LRMDA: variants seen among roughly 807,000 people sequenced by gnomAD.
LRMDA encodes the protein leucine-rich melanocyte differentiation-associated protein.
Under a neutral mutation model 29.8 loss-of-function variants are expected in LRMDA, and 18 were observed. That is an observed-to-expected ratio of 0.60 (90% CI 0.42 to 0.90). LRMDA has a LOEUF of 0.90. Ranked by LOEUF, LRMDA falls within the 40% of genes least tolerant of loss-of-function variation. The probability of loss-of-function intolerance (pLI) is 0.00; values close to 1 mark genes in which losing one functional copy is unlikely to be tolerated. For missense variants in LRMDA, 273 were observed against 273.9 expected (o/e 1.00, Z 0.02); for synonymous variants, 125 against 109.4 (o/e 1.14, Z -0.89).
At position 75,565,464 on chromosome 10, in the gene LRMDA, C is replaced by T. The variant is rs551450488; in HGVS notation, c.131+126970C>T. Reference sequence around the variant, plus strand: ...ATCAGTGAGAGTGTGTTGGTTAATCCGTTGCTTAACTTATTCTTTTTGGCA... The same window carrying T: ...ATCAGTGAGAGTGTGTTGGTTAATCTGTTGCTTAACTTATTCTTTTTGGCA... On this transcript the variant is annotated intron_variant, in intron 2 of 6. Coordinates refer to ENST00000611255, the MANE Select transcript of LRMDA (RefSeq NM_001305581.2). 7.9e-5 allele frequency among the ~76,000 whole-genome samples: 12 copies of T among 152,282 alleles called. No homozygotes were observed. In the South Asian group the frequency reaches 2.1e-3, roughly 26 times the overall value.
At chr10:75,873,502 T>C (rs1308061985) in intron 2 of LRMDA, among the ~76,000 whole-genome samples, 3 of 152,210 alleles carry the variant, frequency 2.0e-5, no homozygotes, top group Admixed American at 6.5e-5. Context: ...GTTTTAAAAT[T>C]CCAACTGGCT....
intron 5 of LRMDA, among the ~76,000 whole-genome samples, chr10:76,267,437 A>G (rs1163746491): frequency 6.6e-6 from 1 of 152,124 alleles, no homozygotes; most frequent in East Asian, 1.9e-4. Flanking sequence ...ACCCTTTTTT[A>G]TCACTCCAGT....
rs71024600 is a variant in LRMDA, at chr10:76,376,865, CTTTTTTTTTTTTTTTTTTTTTTTT to C, written c.601+52395_601+52418del. The stretch of plus-strand genomic sequence containing the variant: ...AAATGTTTGTTGGGCACTTGGAAGT[CTTTTTTTTTTTTTTTTTTTTTTTT>C]TTTTTTTTTTTTTTGAGACGTAGTC... On this transcript the variant is annotated intron_variant, in intron 6 of 6. Coordinates refer to ENST00000611255, the MANE Select transcript of LRMDA (RefSeq NM_001305581.2). Among the ~76,000 whole-genome samples, 4 of 47,384 alleles carry C rather than the reference CTTTTTTTTTTTTTTTTTTTTTTTT, an allele frequency of 8.4e-5. 1 individual carries two copies. Among genetic ancestry groups the C allele is most frequent in the Middle Eastern group, 0.024 (2 of 84 alleles). The allele number at this position is 47,384 out of a possible 152,430, so 31.1% of individuals were successfully genotyped here.
At chr10:75,910,904 G>A (rs549209721) in intron 2 of LRMDA, among the ~76,000 whole-genome samples, 1 of 152,290 alleles carries the variant, frequency 6.6e-6, no homozygotes, top group East Asian at 1.9e-4. Context: ...GCGAGACAGG[G>A]TGCAGGATTT....
chr10:75,461,852 T>C (rs1844589390), intron 2 of LRMDA, among the ~76,000 whole-genome samples: 1 of 152,200 alleles, frequency 6.6e-6, no homozygotes, highest in Admixed American at 6.5e-5. Flanking sequence ...GGTAGGTCTT[T>C]GTCGAAGGGG....
chr10:76,354,346 A>T (rs1841213875), intron 6 of LRMDA, among the ~76,000 whole-genome samples: 1 of 152,164 alleles, frequency 6.6e-6, no homozygotes, highest in Non-Finnish European at 1.5e-5. Flanking sequence ...CTGAGTTGAT[A>T]TGGGGCAACA....
chr10:76,382,960 T>C (rs1169454659), intron 6 of LRMDA, among the ~76,000 whole-genome samples: 1 of 152,210 alleles, frequency 6.6e-6, no homozygotes, highest in African/African-American at 2.4e-5. Flanking sequence ...CTTTTTCCCA[T>C]TACAGTTCAG....
At chr10:76,169,161 C>T (rs1165584270) in intron 5 of LRMDA, among the ~76,000 whole-genome samples, 2 of 152,150 alleles carry the variant, frequency 1.3e-5, no homozygotes, top group Non-Finnish European at 2.9e-5. Context: ...GGTGCAGGCA[C>T]AGCAATTAGA....
chr10:76,068,370 G>A (rs1025463368), intron 5 of LRMDA, among the ~76,000 whole-genome samples: 1 of 152,148 alleles, frequency 6.6e-6, no homozygotes, highest in African/African-American at 2.4e-5. Flanking sequence ...AGTCACCAAC[G>A]TTTCTGGCAC....
chr10:76,225,642 G>A (rs973181506), intron 5 of LRMDA, among the ~76,000 whole-genome samples: 1 of 151,588 alleles, frequency 6.6e-6, no homozygotes, highest in Non-Finnish European at 1.5e-5. Context: ...ATTGGCTCCT[G>A]TATTAGTCCA....
At chr10:76,027,291 A>G (rs536994806) in intron 2 of LRMDA, among the ~76,000 whole-genome samples, 1 of 152,302 alleles carries the variant, frequency 6.6e-6, no homozygotes, top group East Asian at 1.9e-4. Flanking sequence ...ATTCATACTA[A>G]GTCCTCTTCC....
At chr10:75,471,587 T>C (rs1211341738) in intron 2 of LRMDA, among the ~76,000 whole-genome samples, 1 of 152,236 alleles carries the variant, frequency 6.6e-6, no homozygotes, top group Non-Finnish European at 1.5e-5. Flanking sequence ...CCCTTGATAA[T>C]GCTACATACG....
At chr10:76,529,463 CAAAG>C (rs1291760587) in intron 6 of LRMDA, among the ~76,000 whole-genome samples, 2 of 152,050 alleles carry the variant, frequency 1.3e-5, no homozygotes, top group Non-Finnish European at 2.9e-5. Flanking sequence ...TATTGAGAGA[CAAAG>C]AAATTTGCAC....
intron 6 of LRMDA, among the ~76,000 whole-genome samples, chr10:76,399,251 C>T (rs1255388212): frequency 6.6e-6 from 1 of 152,080 alleles, no homozygotes; most frequent in African/African-American, 2.4e-5. Context: ...TTTTGAGGGG[C>T]CTTTGCCTGC....
chr10:76,138,358 G>A (rs1234545396), intron 5 of LRMDA, among the ~76,000 whole-genome samples: 2 of 152,076 alleles, frequency 1.3e-5, no homozygotes, highest in Non-Finnish European at 2.9e-5. Context: ...TGCCCATTTT[G>A]TAGAGCCACT....
At chr10:75,691,140 CT>C (rs1226637938) in intron 2 of LRMDA, among the ~76,000 whole-genome samples, 11 of 83,218 alleles carry the variant, frequency 1.3e-4, no homozygotes, top group South Asian at 7.6e-4. Context: ...ATATATAGAT[CT>C]ATATATCTAT....
chr10:76,308,176 C>T (rs2758980), intron 5 of LRMDA, among the ~76,000 whole-genome samples: 97,940 of 151,950 alleles, frequency 0.64, 34,015 homozygotes, highest in Non-Finnish European at 0.8. Context: ...TAGTCTACTC[C>T]TTCCAAAGAC....
chr10:75,854,993 G>A (rs183585972), intron 2 of LRMDA, among the ~76,000 whole-genome samples: 3,114 of 152,232 alleles, frequency 0.02, 91 homozygotes, highest in African/African-American at 0.066. Flanking sequence ...TTGCTTCCAA[G>A]TCTTTGCTAT....
At chr10:76,480,998 TA>T (rs1364076953) in intron 6 of LRMDA, among the ~76,000 whole-genome samples, 1 of 151,930 alleles carries the variant, frequency 6.6e-6, no homozygotes, top group Non-Finnish European at 1.5e-5. Context: ...AGGGATATTC[TA>T]ATTTATATTT....
Sources: gnomAD v4.1 joint callset for allele counts (sites outside exome capture counted in the v4.1 genomes callset) on GRCh38, gnomAD v4.1.1 for gene constraint, MANE v1.5 for transcripts, NCBI Gene and HGNC (gene_info 2026-07-23, HGNC 2026-07-21) for gene names.